The following ACACA variants were observed in gnomAD, a reference collection of about 807,000 sequenced individuals.
ACACA encodes acetyl-CoA carboxylase 1.
Under a neutral mutation model 296.1 loss-of-function variants are expected in ACACA, and 103 were observed. The observed-to-expected ratio is 0.35, with a 90% CI of 0.30 to 0.41. The LOEUF is 0.41. Ranked by LOEUF, ACACA falls within the 10% of genes least tolerant of loss-of-function variation. The probability of loss-of-function intolerance (pLI) is 1.00; values close to 1 mark genes in which losing one functional copy is unlikely to be tolerated. For synonymous variants in ACACA, 953 were observed against 1,038.6 expected, an observed-to-expected ratio of 0.92 and a Z score of 1.58; for missense variants, 1,554 against 2,989.7, an observed-to-expected ratio of 0.52 and a Z score of 11.20.
chr17:37,265,918 G>C (rs1387519028), intron 10 of ACACA, among the ~76,000 whole-genome samples: 4 of 152,148 alleles, frequency 2.6e-5, no homozygotes, highest in African/African-American at 9.7e-5. Flanking sequence ...TTAAGGCTCA[G>C]AGGTCACTTT....
chr17:37,328,994 G>C, intron 3 of ACACA: 1 of 398,566 alleles, frequency 2.5e-6, no homozygotes, highest in Non-Finnish European at 4.4e-6. Flanking sequence ...GAACTGAAAA[G>C]TAAATGACCA....
At chr17:37,149,731 A>T (rs948425089) in intron 45 of ACACA, 133 bp downstream of exon 45, 1 of 757,182 alleles carries the variant, frequency 1.3e-6, no homozygotes, top group Non-Finnish European at 2.3e-6. Flanking sequence ...GAAAAGATGG[A>T]GGGAGAGGGG....
At chr17:37,282,770 TCAGA>T (rs1323666594) in intron 5 of ACACA, among the ~76,000 whole-genome samples, 2 of 152,218 alleles carry the variant, frequency 1.3e-5, no homozygotes, top group African/African-American at 4.8e-5. Context: ...TCTACAACTA[TCAGA>T]CAGAGAACCA....
intron 42 of ACACA, among the ~76,000 whole-genome samples, chr17:37,158,833 C>A (rs1414010637): frequency 6.6e-6 from 1 of 151,972 alleles, no homozygotes; most frequent in Non-Finnish European, 1.5e-5. Context: ...ACTTCTTGGT[C>A]CTGCTGCAGC....
chr17:37,120,192 CATCCTAAGCATTTTCTAATCA>C (rs2074460505), intron 50 of ACACA, among the ~76,000 whole-genome samples: 1 of 151,724 alleles, frequency 6.6e-6, no homozygotes, highest in African/African-American at 2.4e-5. Context: ...CGCGCCTGGC[CATCCTAAGCATTTTCTAATCA>C]CTATTTACTC....
chr17:37,246,569 T>C (rs1050795549), intron 19 of ACACA, among the ~76,000 whole-genome samples: 1 of 151,954 alleles, frequency 6.6e-6, no homozygotes, highest in Non-Finnish European at 1.5e-5. Context: ...AGTGGCTGGG[T>C]CTACAGGCAT....
intron 45 of ACACA, among the ~76,000 whole-genome samples, chr17:37,145,613 T>C (rs911857670): frequency 6.6e-6 from 1 of 152,242 alleles, no homozygotes; most frequent in South Asian, 2.1e-4. Context: ...TGAAAGTTCA[T>C]GTTCTGACCC....
rs893973271 is a variant in ACACA at position 37,320,658 on chromosome 17, G to A, written c.338+9515C>T. Among the ~76,000 whole-genome samples, 2 of 150,974 alleles carry A rather than the reference G, an allele frequency of 1.3e-5. 1 individual carries two copies. Among genetic ancestry groups the A allele is most frequent in the South Asian group, 4.2e-4 (2 of 4,750 alleles). ...CTCAATTCCCCATCCATAAATTGTG[G>A]GCAATAGGCCAGGCACGGTGGCTCC... On this transcript the variant is annotated intron_variant, in intron 3 of 55. Transcript: ENST00000616317.
chr17:37,215,495 T>C (rs779579861), intron 29 of ACACA, among the ~76,000 whole-genome samples: 3 of 152,230 alleles, frequency 2.0e-5, no homozygotes, highest in Non-Finnish European at 4.4e-5. Context: ...TACAGAGTCA[T>C]ATGCATAGGC....
At chr17:37,228,901 T>C (rs1410975155) in intron 25 of ACACA, among the ~76,000 whole-genome samples, 1 of 152,134 alleles carries the variant, frequency 6.6e-6, no homozygotes, top group African/African-American at 2.4e-5. Context: ...CCCAGCACTT[T>C]GGGAGGCCGA....
chr17:37,283,544 C>T (rs2082640746), intron 4 of ACACA, 139 bp from the exon 5 acceptor site: 1 of 1,100,516 alleles, frequency 9.1e-7, no homozygotes, highest in African/African-American at 1.6e-5. Context: ...TGTTACTGGT[C>T]CAGACTGTTA....
At chr17:37,128,041 A>C (rs1393515824) in intron 47 of ACACA, among the ~76,000 whole-genome samples, 2 of 148,714 alleles carry the variant, frequency 1.3e-5, no homozygotes, top group African/African-American at 4.9e-5. Flanking sequence ...AAAAAAAAAA[A>C]AAAAAAAAAA....
intron 3 of ACACA, among the ~76,000 whole-genome samples, chr17:37,328,117 C>T (rs1396659207): frequency 6.6e-6 from 1 of 152,166 alleles, no homozygotes; most frequent in Non-Finnish European, 1.5e-5. Flanking sequence ...TTTGTCTGAA[C>T]TAGTTATATA....
At position 37,097,523 on chromosome 17, in the gene ACACA, C is replaced by A. The variant is rs2073065440; in HGVS notation, c.6720+307G>T. 6.6e-6 allele frequency among the ~76,000 whole-genome samples: 1 copy of A among 152,150 alleles called. No individual in the cohort carries two copies. The highest frequency in any genetic ancestry group is 1.5e-5 in the Non-Finnish European group (1 of 68,024). ...AATTATTAATTAGCTGCTGCGGGAGCCTTGACCCTATAGTAACCCACATCC... is the reference window on the plus strand; with the variant it reads ...AATTATTAATTAGCTGCTGCGGGAGACTTGACCCTATAGTAACCCACATCC... On this transcript the variant is annotated intron_variant, in intron 53 of 55. Transcript: ENST00000616317. This position sits in a 1 kb window ranked among gnomAD's most constrained non-coding sequence, Gnocchi z 4.8.
intron 3 of ACACA, among the ~76,000 whole-genome samples, chr17:37,295,144 G>C (rs2083266909): frequency 6.6e-6 from 1 of 152,202 alleles, no homozygotes; most frequent in African/African-American, 2.4e-5. Context: ...CTCGCCCCAA[G>C]CTGTGCCACA....
chr17:37,237,981 G>A (rs1324502658), intron 24 of ACACA, among the ~76,000 whole-genome samples: 2 of 152,148 alleles, frequency 1.3e-5, no homozygotes, highest in South Asian at 2.1e-4. Context: ...GGCTGGTCTC[G>A]AACTCCTGGG....
intron 28 of ACACA, 83 bp from the exon 29 acceptor site, chr17:37,221,925 G>T: frequency 8.3e-7 from 1 of 1,208,186 alleles, no homozygotes; most frequent in South Asian, 1.2e-5. Context: ...TTGAAACGAG[G>T]TATCTGAGGC....
chr17:37,181,961 G>C (rs1243792651), intron 39 of ACACA, among the ~76,000 whole-genome samples: 1 of 143,938 alleles, frequency 6.9e-6, no homozygotes, highest in East Asian at 2.0e-4. Context: ...TGCACATTTC[G>C]CATCTCAAAG....
Position 37,406,407 on chromosome 17 carries a change from C to T in ACACA, c.-108G>A. 1 of 1,188,788 alleles carries T rather than the reference C, an allele frequency of 8.4e-7. No homozygotes were observed. The highest frequency in any genetic ancestry group is 1.3e-6 in the Non-Finnish European group (1 of 796,786). The allele number at this position is 1,188,788 out of a possible 1,614,324, so 73.6% of individuals were successfully genotyped here. On this transcript the variant is annotated 5_prime_UTR_variant, in exon 1 of 56. Coordinates refer to ENST00000616317, the MANE Select transcript of ACACA (RefSeq NM_198834.3). ...CAGGAGCATCTGATTGAAACGCACCCTCTTCACCCCTTAAAATCAGTCTGG... is the reference window on the plus strand; with the variant it reads ...CAGGAGCATCTGATTGAAACGCACCTTCTTCACCCCTTAAAATCAGTCTGG...
Sources: gnomAD v4.1 joint callset for allele counts (sites outside exome capture counted in the v4.1 genomes callset) on GRCh38, gnomAD v4.1.1 for gene constraint, Gnocchi (gnomAD v3.1) non-coding constraint, MANE v1.5 for transcripts, NCBI Gene and HGNC (gene_info 2026-07-23, HGNC 2026-07-21) for gene names.